The following DLG2 variants were observed in gnomAD, a reference collection of about 807,000 sequenced individuals.
DLG2 encodes disks large homolog 2.
Under a neutral mutation model 132.5 loss-of-function variants are expected in DLG2, and 45 were observed. The ratio of observed to expected loss-of-function variants is 0.34; its 90% CI spans 0.27 to 0.44. The LOEUF (loss-of-function observed/expected upper bound fraction) is 0.44. DLG2 is among the 20% of genes least tolerant of loss of function. The pLI, the probability that DLG2 is intolerant of heterozygous loss-of-function variation, is 1.00. For missense variants in DLG2, 1,045 were observed against 1,196.9 expected (o/e 0.87, Z 1.87); for synonymous variants, 424 against 419.6 (o/e 1.01, Z -0.13).
intron 6 of DLG2, among the ~76,000 whole-genome samples, chr11:84,607,061 T>A (rs1410605312): frequency 6.6e-6 from 1 of 151,950 alleles, no homozygotes; most frequent in Non-Finnish European, 1.5e-5. Context: ...TAGAGCTTAA[T>A]TTTTTTTAGT....
At chr11:83,560,774 A>T (rs1033604274) in intron 19 of DLG2, among the ~76,000 whole-genome samples, 1 of 152,152 alleles carries the variant, frequency 6.6e-6, no homozygotes, top group Non-Finnish European at 1.5e-5. Context: ...GGGGGAAAAA[A>T]CTATTTCCCA....
At chr11:85,450,129 T>A (rs1325905774) in intron 3 of DLG2, among the ~76,000 whole-genome samples, 4 of 151,258 alleles carry the variant, frequency 2.6e-5, no homozygotes, top group African/African-American at 9.7e-5. Flanking sequence ...AACTCCGTTT[T>A]AAAAAAAAAT....
chr11:83,954,300 A>AT (rs1156438067), intron 14 of DLG2, among the ~76,000 whole-genome samples: 14 of 152,202 alleles, frequency 9.2e-5, no homozygotes, highest in Non-Finnish European at 1.9e-4. Flanking sequence ...TACTTCTAGT[A>AT]GGATAGTTCT....
chr11:85,625,700 T>G (rs1242610598), intron 2 of DLG2, among the ~76,000 whole-genome samples: 1 of 152,204 alleles, frequency 6.6e-6, no homozygotes, highest in Non-Finnish European at 1.5e-5. Context: ...TGGACAACAT[T>G]TGGATCTATA....
chr11:85,549,155 G>T (rs1034141124), intron 3 of DLG2, among the ~76,000 whole-genome samples: 2 of 152,204 alleles, frequency 1.3e-5, no homozygotes, highest in Non-Finnish European at 2.9e-5. Context: ...TCCGCAGGTT[G>T]TGAAGACCAT....
At chr11:85,170,366 G>T (rs2078764330) in intron 4 of DLG2, among the ~76,000 whole-genome samples, 1 of 152,116 alleles carries the variant, frequency 6.6e-6, no homozygotes. Context: ...TAAAAGGGAG[G>T]CCAGAGAGTG....
At chr11:84,134,649 T>C in intron 9 of DLG2, among the ~76,000 whole-genome samples, 1 of 151,906 alleles carries the variant, frequency 6.6e-6, no homozygotes, top group East Asian at 1.9e-4. Flanking sequence ...AAAAATAGAA[T>C]TACATCACAT....
Position 83,600,236 on chromosome 11 carries a change from GGTGTGTGTGTGT to G in DLG2, c.1940+32963_1940+32974del, listed in dbSNP as rs57674131. Among the ~76,000 whole-genome samples the G allele has an allele frequency of 2.1e-3, 308 of 145,624 alleles. 8 individuals are homozygous for G. In the South Asian group the frequency reaches 0.039, roughly 18 times the overall value. On this transcript the variant is annotated intron_variant, in intron 19 of 27. Transcript: ENST00000376104. ...GATGAGTTCACACAGCTAGCTATAG[GGTGTGTGTGTGT>G]GTGTGTGTGTGTGTGTGTGTATGAC...
intron 18 of DLG2, among the ~76,000 whole-genome samples, chr11:83,670,092 G>A (rs1329471977): frequency 1.3e-5 from 2 of 152,200 alleles, no homozygotes; most frequent in Admixed American, 1.3e-4. Context: ...AGCTTATCCA[G>A]CTGAGGACAG....
chr11:84,289,869 G>A lies in DLG2; in HGVS notation c.520-38578C>T, dbSNP rs1193794847. Among the ~76,000 whole-genome samples, 5 of 152,272 alleles carry A rather than the reference G, an allele frequency of 3.3e-5. No homozygotes were observed. The East Asian group carries it at 9.7e-4, about 29-fold the overall frequency. On this transcript the variant is annotated intron_variant, in intron 7 of 27. Transcript: ENST00000376104. Reference sequence around the variant, plus strand: ...GGATACTGTGTGATGATCAGAGAAAGAAAACTTGTTTGAAAGTACCGTTTT... The same window carrying A: ...GGATACTGTGTGATGATCAGAGAAAAAAAACTTGTTTGAAAGTACCGTTTT...
chr11:84,943,278 G>A (rs1248615627), intron 6 of DLG2, among the ~76,000 whole-genome samples: 1 of 151,636 alleles, frequency 6.6e-6, no homozygotes, highest in African/African-American at 2.4e-5. Flanking sequence ...GATAAGTGAA[G>A]GCTTATTCCT....
At chr11:84,907,553 T>A (rs368578508) in intron 6 of DLG2, among the ~76,000 whole-genome samples, 2 of 152,172 alleles carry the variant, frequency 1.3e-5, no homozygotes, top group South Asian at 4.1e-4. Flanking sequence ...ACAAAACAGT[T>A]TCTTCGGAGC....
chr11:84,632,297 T>C (rs2099633472), intron 6 of DLG2, among the ~76,000 whole-genome samples: 3 of 152,168 alleles, frequency 2.0e-5, no homozygotes, highest in African/African-American at 4.8e-5. Flanking sequence ...CAAATCCTCA[T>C]TGATCATTCT....
At chr11:83,908,997 T>A (rs1474179028) in intron 15 of DLG2, among the ~76,000 whole-genome samples, 1 of 152,182 alleles carries the variant, frequency 6.6e-6, no homozygotes. Flanking sequence ...CCTCCCAGAG[T>A]GTGGGATCAC....
intron 6 of DLG2, among the ~76,000 whole-genome samples, chr11:84,813,991 C>A (rs976887996): frequency 3.3e-5 from 5 of 152,088 alleles, no homozygotes; most frequent in Non-Finnish European, 5.9e-5. Flanking sequence ...TTTCTTGTTT[C>A]TACACTATAT....
chr11:84,596,676 A>G (rs1404998862), intron 6 of DLG2, among the ~76,000 whole-genome samples: 1 of 152,170 alleles, frequency 6.6e-6, no homozygotes, highest in Non-Finnish European at 1.5e-5. Flanking sequence ...GTACTCTGGC[A>G]GAAGCTAAGA....
chr11:84,599,960 G>C (rs183072977), intron 6 of DLG2, among the ~76,000 whole-genome samples: 2 of 150,926 alleles, frequency 1.3e-5, no homozygotes, highest in Admixed American at 6.6e-5. Flanking sequence ...TGAGCCCTGC[G>C]AGGCTGAGGC....
chr11:84,226,252 T>C (rs1040160929), intron 8 of DLG2, among the ~76,000 whole-genome samples: 4 of 152,386 alleles, frequency 2.6e-5, no homozygotes, highest in South Asian at 2.1e-4. Context: ...CTAGGGATGA[T>C]ATTTATTTAA....
At chr11:83,877,033 A>G (rs1003415096) in intron 15 of DLG2, among the ~76,000 whole-genome samples, 8 of 151,890 alleles carry the variant, frequency 5.3e-5, no homozygotes, top group East Asian at 3.9e-4. Context: ...TTATTTTACA[A>G]TTTTCTTCAG....
Sources: allele counts gnomAD v4.1 joint callset (sites outside exome capture counted in the v4.1 genomes callset), GRCh38; gene constraint gnomAD v4.1.1; transcripts MANE v1.5; gene names NCBI Gene and HGNC (gene_info 2026-07-23, HGNC 2026-07-21).